SPEF2: variants seen among roughly 807,000 people sequenced by gnomAD.
The protein encoded by SPEF2 is sperm flagellar and cilia associated 2.
In SPEF2, 187 loss-of-function variants were observed where a neutral mutation model predicts 224.6. The ratio of observed to expected loss-of-function variants is 0.83; its 90% CI spans 0.74 to 0.94. SPEF2 has a LOEUF of 0.94. Ranked by LOEUF, SPEF2 falls within the 40% of genes least tolerant of loss-of-function variation. The probability of loss-of-function intolerance (pLI) is 0.00; values close to 1 mark genes in which losing one functional copy is unlikely to be tolerated. For missense variants in SPEF2, 2,170 were observed against 2,135.6 expected, an observed-to-expected ratio of 1.02 and a Z score of -0.32; for synonymous variants, 715 against 707.3, an observed-to-expected ratio of 1.01 and a Z score of -0.17.
At chr5:35,743,311 A>G (rs1177813496) in intron 23 of SPEF2, among the ~76,000 whole-genome samples, 2 of 152,094 alleles carry the variant, frequency 1.3e-5, no homozygotes, top group Non-Finnish European at 2.9e-5. Flanking sequence ...AACATATTAA[A>G]CTTAAAATTC....
intron 1 of SPEF2, among the ~76,000 whole-genome samples, chr5:35,628,085 C>T (rs1188279277): frequency 6.6e-6 from 1 of 152,120 alleles, no homozygotes; most frequent in Non-Finnish European, 1.5e-5. Context: ...ATGCTGTCAT[C>T]ATAGGTTGTG....
At chr5:35,639,331 T>C (rs898587177) in intron 2 of SPEF2, among the ~76,000 whole-genome samples, 2 of 152,134 alleles carry the variant, frequency 1.3e-5, no homozygotes, top group East Asian at 3.9e-4. Flanking sequence ...GCCCATTTTT[T>C]CCCCAGGGCA....
chr5:35,698,340 A>C (rs866119492), intron 15 of SPEF2: 1 of 152,216 alleles, frequency 6.6e-6, no homozygotes, highest in Non-Finnish European at 1.5e-5. Flanking sequence ...GACTTCCCTT[A>C]GTGTTTTCTT....
intron 23 of SPEF2, among the ~76,000 whole-genome samples, chr5:35,743,953 C>T (rs553857450): frequency 6.6e-6 from 1 of 152,320 alleles, no homozygotes; most frequent in African/African-American, 2.4e-5. Flanking sequence ...GGTAAAGAAG[C>T]CAACATAGTA....
intron 11 of SPEF2, among the ~76,000 whole-genome samples, chr5:35,692,083 C>A (rs1163906220): frequency 6.6e-6 from 1 of 151,912 alleles, no homozygotes; most frequent in Non-Finnish European, 1.5e-5. Flanking sequence ...CAAGCATGAG[C>A]CACCGTGCCC....
chr5:35,643,382 G>A (rs1453231711), intron 3 of SPEF2: 1 of 415,948 alleles, frequency 2.4e-6, no homozygotes, highest in African/African-American at 2.0e-5. Flanking sequence ...AGTTGAGAAG[G>A]ACTTTGGAGA....
intron 21 of SPEF2, among the ~76,000 whole-genome samples, chr5:35,734,629 G>T (rs145487183): frequency 6.6e-6 from 1 of 151,586 alleles, no homozygotes; most frequent in Non-Finnish European, 1.5e-5. Flanking sequence ...TTAATGAAGA[G>T]GCCTTTCCTG....
chr5:35,618,192 TC>T, intron 1 of SPEF2, 137 bp downstream of exon 1: 1 of 918,150 alleles, frequency 1.1e-6, no homozygotes, highest in Non-Finnish European at 1.7e-6. Flanking sequence ...GCCGGCAGCA[TC>T]CCACAGTGAG....
chr5:35,684,114 A>G (rs561204984), intron 10 of SPEF2: 6 of 152,280 alleles, frequency 3.9e-5, no homozygotes, highest in African/African-American at 7.2e-5. Context: ...ATAAATATGT[A>G]AAGTAGAGAT....
chr5:35,760,999 AG>A, intron 25 of SPEF2, among the ~76,000 whole-genome samples: 1 of 152,280 alleles, frequency 6.6e-6, no homozygotes, highest in African/African-American at 2.4e-5. Context: ...AGATATGAGG[AG>A]GGGAAAAAGA....
At chr5:35,716,154 T>C (rs1433098516) in intron 20 of SPEF2, among the ~76,000 whole-genome samples, 5 of 151,870 alleles carry the variant, frequency 3.3e-5, no homozygotes, top group Admixed American at 3.3e-4. Context: ...TGTCCAAACA[T>C]TTTTGAGAAT....
intron 9 of SPEF2, among the ~76,000 whole-genome samples, chr5:35,668,963 AAGG>A (rs1750878739): frequency 6.6e-6 from 1 of 152,028 alleles, no homozygotes; most frequent in Non-Finnish European, 1.5e-5. Flanking sequence ...AGAAAGCAAA[AAGG>A]AGAAGTACCT....
At position 35,650,380 on chromosome 5, in the gene SPEF2, A is replaced by C. The variant is rs2149426325; in HGVS notation, c.791+955A>C. 1.3e-5 allele frequency among the ~76,000 whole-genome samples: 2 copies of C among 152,144 alleles called. 1 individual carries two copies. Among genetic ancestry groups the C allele is most frequent in the South Asian group, 4.2e-4 (2 of 4,818 alleles). ...GATCCTGACCTGTAAAAACAACATA[A>C]TCCAAGTCTCCTCATCCATGCAGCC... On this transcript the variant is annotated intron_variant, in intron 6 of 36. Transcript: ENST00000356031.
chr5:35,633,763 T>C (rs754380465), intron 2 of SPEF2, among the ~76,000 whole-genome samples: 33 of 152,080 alleles, frequency 2.2e-4, no homozygotes, highest in Non-Finnish European at 1.9e-4. Context: ...TTGTTTCTTT[T>C]ACTGTATTTT....
At chr5:35,655,640 A>G (rs1442036321) in intron 7 of SPEF2, among the ~76,000 whole-genome samples, 1 of 152,174 alleles carries the variant, frequency 6.6e-6, no homozygotes, top group Non-Finnish European at 1.5e-5. Context: ...TGGTGGGGTC[A>G]GGGTTAGGGG....
chr5:35,732,114 A>G (rs565851238), intron 21 of SPEF2, among the ~76,000 whole-genome samples: 9 of 152,326 alleles, frequency 5.9e-5, no homozygotes, highest in African/African-American at 2.2e-4. Context: ...AGCAAGAATA[A>G]GTCTTGTTGA....
At chr5:35,686,716 G>T (rs1290782679) in intron 10 of SPEF2, among the ~76,000 whole-genome samples, 4 of 151,972 alleles carry the variant, frequency 2.6e-5, no homozygotes, top group Non-Finnish European at 5.9e-5. Flanking sequence ...TTATTACTAT[G>T]AATTTGAACA....
At chr5:35,772,288 G>A (rs1752974657) in intron 27 of SPEF2, among the ~76,000 whole-genome samples, 1 of 152,120 alleles carries the variant, frequency 6.6e-6, no homozygotes, top group Non-Finnish European at 1.5e-5. Flanking sequence ...CTCTGAAGTG[G>A]AATCCTGGGA....
chr5:35,788,121 A>G (rs934036901), intron 30 of SPEF2: 4 of 703,006 alleles, frequency 5.7e-6, no homozygotes, highest in South Asian at 4.4e-5. Context: ...CTCAATGCAC[A>G]TCATCTCAGC....
Sources: allele counts gnomAD v4.1 joint callset (sites outside exome capture counted in the v4.1 genomes callset), GRCh38; gene constraint gnomAD v4.1.1; transcripts MANE v1.5; gene names NCBI Gene and HGNC (gene_info 2026-07-23, HGNC 2026-07-21).